Variants in GPR137C observed in about 807,000 individuals in gnomAD.
GPR137C encodes G protein-coupled receptor 137C.
Under a neutral mutation model 43.4 loss-of-function variants are expected in GPR137C, and 27 were observed. The ratio of observed to expected loss-of-function variants is 0.62; its 90% CI spans 0.46 to 0.86. GPR137C has a LOEUF of 0.86. Ranked by LOEUF, GPR137C falls within the 40% of genes least tolerant of loss-of-function variation. The pLI is 0.00. For missense variants in GPR137C, 522 were observed against 534.6 expected (o/e 0.98, Z 0.23); for synonymous variants, 285 against 226.9 (o/e 1.26, Z -2.30).
Position 52,553,284 on chromosome 14 carries a change from A to G in GPR137C, c.137A>G (p.Gln46Arg), listed in dbSNP as rs754400070. Reference sequence around the variant, plus strand: ...GGCGCCGCGGTGCCGGGCTCCGTGCAGTTGGCGCTGAGCGTCCTGCACGCC... The same window carrying G: ...GGCGCCGCGGTGCCGGGCTCCGTGCGGTTGGCGCTGAGCGTCCTGCACGCC... The part of the protein sequence containing the change: ...ASGAAVPGSV[Q>R]LALSVLHALL... Residue 46 changes from glutamine to arginine, a missense_variant, in exon 1 of 7, where the codon CAG (glutamine) becomes CGG (arginine). Gln to Arg is a conservative substitution (Grantham distance 43, BLOSUM62 1). Around this residue, in one of 3 missense-constraint regions of GPR137C, gnomAD observed 437 missense variants for 425.7 expected, o/e 1.03. Transcript: ENST00000321662. The G allele has an allele frequency of 2.0e-6, 3 of 1,507,538 alleles. No individual in the cohort carries two copies. Among genetic ancestry groups the G allele is most frequent in the Non-Finnish European group, 2.7e-6 (3 of 1,130,720 alleles). 93.4% of individuals were successfully genotyped at this position (1,507,538 alleles called of 1,614,324 possible). A position where few individuals can be genotyped will look rare whatever the true frequency, so the allele number is the denominator to read the frequency against.
chr14:52,635,294 A>AGAG lies in GPR137C; in HGVS notation c.*180_*181insAGG. The AGAG allele has an allele frequency of 2.1e-6, 1 of 474,738 alleles. No homozygotes were observed. Among genetic ancestry groups the AGAG allele is most frequent in the Non-Finnish European group, 3.6e-6 (1 of 281,198 alleles). 29.4% of individuals were successfully genotyped at this position (474,738 alleles called of 1,614,324 possible). On this transcript the variant is annotated 3_prime_UTR_variant, in exon 7 of 7. Coordinates refer to ENST00000321662, the MANE Select transcript of GPR137C (RefSeq NM_001099652.2). The stretch of plus-strand genomic sequence containing the variant: ...TTTTGACCTCTTCATAGTAAAATGA[A>AGAG]GTAAAATGGAAAGTTTGGAGTAGGA...
intron 3 of GPR137C, among the ~76,000 whole-genome samples, chr14:52,610,262 CCAGGAAAGGAGCTCTCTTATTTGTGTTA>C: frequency 6.6e-6 from 1 of 152,120 alleles, no homozygotes. Context: ...AAAGTATAAA[CCAGGAAAGGAGCTCTCTTATTTGTGTTA>C]TTCATTTTTC....
At chr14:52,555,041 T>C (rs1258786171) in intron 1 of GPR137C, among the ~76,000 whole-genome samples, 1 of 152,022 alleles carries the variant, frequency 6.6e-6, no homozygotes, top group African/African-American at 2.4e-5. Flanking sequence ...TAAGCTGTTA[T>C]AACACTTCTA....
chr14:52,577,300 G>A (rs1281151609), intron 1 of GPR137C, among the ~76,000 whole-genome samples: 1 of 150,252 alleles, frequency 6.7e-6, no homozygotes, highest in Non-Finnish European at 1.5e-5. Context: ...GTTGAAACGA[G>A]TGAAAATAGA....
Position 52,589,035 on chromosome 14 carries a change from T to C in GPR137C, c.445-9237T>C, listed in dbSNP as rs1296600622. Among the ~76,000 whole-genome samples the C allele has an allele frequency of 2.0e-5, 3 of 152,204 alleles. No individual in the cohort carries two copies. In the East Asian group the frequency reaches 5.8e-4, roughly 29 times the overall value. On this transcript the variant is annotated intron_variant, in intron 1 of 6. Transcript: ENST00000321662. ...AGCAAAATGTGGTACACACATGCAA[T>C]GGAATATTATTCAGCCTTAGAAAGA...
intron 1 of GPR137C, among the ~76,000 whole-genome samples, chr14:52,588,640 A>G (rs77736373): frequency 1.7e-4 from 26 of 152,150 alleles, no homozygotes; most frequent in Admixed American, 5.2e-4. Context: ...ATCATGAAAG[A>G]CAAAGGAAAG....
intron 1 of GPR137C, among the ~76,000 whole-genome samples, chr14:52,559,096 G>A (rs1364111246): frequency 6.6e-6 from 1 of 152,182 alleles, no homozygotes; most frequent in Non-Finnish European, 1.5e-5. Context: ...TGAAAACACT[G>A]ACCTGGTGCA....
intron 3 of GPR137C, among the ~76,000 whole-genome samples, chr14:52,623,736 C>T (rs2039187644): frequency 6.6e-6 from 1 of 152,098 alleles, no homozygotes; most frequent in African/African-American, 2.4e-5. Context: ...GTAGATTCCT[C>T]TCTTCATTGA....
At chr14:52,602,797 G>T (rs12882351) in intron 3 of GPR137C, among the ~76,000 whole-genome samples, 2 of 151,934 alleles carry the variant, frequency 1.3e-5, no homozygotes, top group Middle Eastern at 3.2e-3. Flanking sequence ...AGTGGCATTT[G>T]TATGTGCCAT....
At chr14:52,625,655 C>G (rs1414952413) in intron 3 of GPR137C, among the ~76,000 whole-genome samples, 1 of 139,756 alleles carries the variant, frequency 7.2e-6, no homozygotes, top group Non-Finnish European at 1.5e-5. Context: ...CCCAGGTTCA[C>G]ATCATTCTCC....
intron 3 of GPR137C, among the ~76,000 whole-genome samples, chr14:52,622,126 C>T (rs113250366): frequency 1.2e-3 from 179 of 151,994 alleles, no homozygotes; most frequent in African/African-American, 3.1e-3. Flanking sequence ...AAAATCCATC[C>T]TCACACATAT....
intron 3 of GPR137C, among the ~76,000 whole-genome samples, chr14:52,621,475 A>G (rs1265802014): frequency 6.6e-6 from 1 of 151,930 alleles, no homozygotes; most frequent in Non-Finnish European, 1.5e-5. Flanking sequence ...TCAAGAAGGA[A>G]TGAAGAACAT....
intron 3 of GPR137C, among the ~76,000 whole-genome samples, chr14:52,616,904 T>C (rs1329879014): frequency 6.6e-6 from 1 of 152,204 alleles, no homozygotes; most frequent in Non-Finnish European, 1.5e-5. Flanking sequence ...CACCATACTT[T>C]GGCCTACAGC....
chr14:52,636,588 A>G lies in GPR137C; in HGVS notation c.*1473A>G, dbSNP rs117108502. ...CCTCGCTTACTTAAAATGTACTTCA[A>G]CTTTTTAACAACTGATACAATAACT... On this transcript the variant is annotated 3_prime_UTR_variant, in exon 7 of 7. Transcript: ENST00000321662. 1 of 152,142 alleles carries G rather than the reference A, an allele frequency of 6.6e-6. No individual in the cohort carries two copies. Among genetic ancestry groups the G allele is most frequent in the Non-Finnish European group, 1.5e-5 (1 of 67,984 alleles). 9.4% of individuals were successfully genotyped at this position (152,142 alleles called of 1,614,324 possible).
At chr14:52,572,799 G>A (rs1235348365) in intron 1 of GPR137C, among the ~76,000 whole-genome samples, 1 of 152,172 alleles carries the variant, frequency 6.6e-6, no homozygotes, top group African/African-American at 2.4e-5. Flanking sequence ...AAGAGAGGAA[G>A]CCAAATTGTA....
intron 1 of GPR137C, chr14:52,596,953 T>C (rs192536635): frequency 6.2e-5 from 28 of 454,416 alleles, no homozygotes; most frequent in African/African-American, 5.0e-4. Context: ...TTGGCCATCT[T>C]GGAAGGAACC....
chr14:52,605,559 T>C (rs2038974862), intron 3 of GPR137C, among the ~76,000 whole-genome samples: 1 of 152,200 alleles, frequency 6.6e-6, no homozygotes, highest in Non-Finnish European at 1.5e-5. Context: ...GCCTAATTGC[T>C]CTGGCTTAGA....
At position 52,556,777 on chromosome 14, in the gene GPR137C, T is replaced by C. The variant is rs544779265; in HGVS notation, c.444+3186T>C. 2.0e-5 allele frequency among the ~76,000 whole-genome samples: 3 copies of C among 152,144 alleles called. No homozygotes were observed. In the South Asian group the frequency reaches 6.2e-4, roughly 32 times the overall value. On this transcript the variant is annotated intron_variant, in intron 1 of 6. Coordinates refer to ENST00000321662, the MANE Select transcript of GPR137C (RefSeq NM_001099652.2). Reference sequence around the variant, plus strand: ...GTAAGAAACCTGCACATGAACCTCCTGAATCTAAATTTTTTTTTTTAATGA... The same window carrying C: ...GTAAGAAACCTGCACATGAACCTCCCGAATCTAAATTTTTTTTTTTAATGA...
chr14:52,619,447 T>G (rs1382769873), intron 3 of GPR137C, among the ~76,000 whole-genome samples: 8 of 152,148 alleles, frequency 5.3e-5, no homozygotes, highest in Non-Finnish European at 1.2e-4. Context: ...TTACTGGGAT[T>G]TACTTTATCC....
Sources: allele counts gnomAD v4.1 joint callset (sites outside exome capture counted in the v4.1 genomes callset), GRCh38; gene constraint gnomAD v4.1.1; regional missense constraint gnomAD v4.1.1; transcripts MANE v1.5; gene names NCBI Gene and HGNC (gene_info 2026-07-23, HGNC 2026-07-21).